DENND2A: variants seen among roughly 807,000 people sequenced by gnomAD.
The protein encoded by DENND2A is DENN domain-containing protein 2A.
DENND2A carries 53 observed loss-of-function variants against 105.3 expected under a neutral mutation model. The observed-to-expected ratio is 0.50, with a 90% CI of 0.40 to 0.63. The LOEUF (loss-of-function observed/expected upper bound fraction) is 0.63, where lower values mean the gene tolerates loss of function less well. DENND2A is among the 30% of genes least tolerant of loss of function. DENND2A has a pLI of 0.00. For synonymous variants in DENND2A, 522 were observed against 508.4 expected, an observed-to-expected ratio of 1.03 and a Z score of -0.36; for missense variants, 1,138 against 1,279.6, an observed-to-expected ratio of 0.89 and a Z score of 1.69.
At chr7:140,545,048 A>G (rs909882943) in intron 13 of DENND2A, among the ~76,000 whole-genome samples, 1 of 152,142 alleles carries the variant, frequency 6.6e-6, no homozygotes, top group Non-Finnish European at 1.5e-5. Flanking sequence ...GGCAAAATCA[A>G]TGGTTTCCGG....
At chr7:140,637,855 G>A (rs1002029109) in intron 1 of DENND2A, among the ~76,000 whole-genome samples, 12 of 151,966 alleles carry the variant, frequency 7.9e-5, no homozygotes, top group Admixed American at 5.9e-4. Context: ...TGAGCACCCC[G>A]GACGCCTTGC....
intron 14 of DENND2A, among the ~76,000 whole-genome samples, chr7:140,528,069 G>T (rs911356967): frequency 2.0e-5 from 3 of 152,030 alleles, no homozygotes; most frequent in Admixed American, 6.6e-5. Flanking sequence ...TTGAACTCCT[G>T]ACTTCAAGTG....
intron 1 of DENND2A, among the ~76,000 whole-genome samples, chr7:140,621,074 G>A (rs989748301): frequency 2.0e-5 from 3 of 152,154 alleles, no homozygotes; most frequent in Admixed American, 1.3e-4. Flanking sequence ...CTGTCGCCAG[G>A]CTGGAGTACA....
intron 3 of DENND2A, among the ~76,000 whole-genome samples, chr7:140,588,766 C>CT (rs34456581): frequency 0.37 from 51,066 of 136,600 alleles, 9,971 homozygotes; most frequent in Middle Eastern, 0.48. Flanking sequence ...TTTTTTGGCA[C>CT]TTTTTTTTTT....
Position 140,562,726 on chromosome 7 carries a change from G to C in DENND2A, c.1780-2909C>G, listed in dbSNP as rs1797681621. On this transcript the variant is annotated intron_variant, in intron 9 of 19. Coordinates refer to ENST00000496613, the MANE Select transcript of DENND2A (RefSeq NM_015689.5). ...TTCCAGTATGATTCCCCTCAGGCTA[G>C]ACCAAATTTAATTGAAGCCATGGGG... is the stretch of plus-strand genomic sequence containing the variant. Among the ~76,000 whole-genome samples, 4 of 152,314 alleles carry C rather than the reference G, an allele frequency of 2.6e-5. No individual in the cohort carries two copies. The South Asian group carries it at 8.3e-4, about 32-fold the overall frequency.
At chr7:140,561,961 C>T (rs1797635825) in intron 9 of DENND2A, among the ~76,000 whole-genome samples, 2 of 151,988 alleles carry the variant, frequency 1.3e-5, no homozygotes, top group African/African-American at 2.4e-5. Context: ...GCAATCTCGG[C>T]TCACTGCAAC....
intron 1 of DENND2A, among the ~76,000 whole-genome samples, chr7:140,606,759 C>G (rs531735114): frequency 6.6e-6 from 1 of 152,232 alleles, no homozygotes; most frequent in Non-Finnish European, 1.5e-5. Flanking sequence ...CTTAAACCCC[C>G]CAAATAGCAA....
At position 140,601,437 on chromosome 7, in the gene DENND2A, A is replaced by G; in HGVS notation, c.961T>C (p.Trp321Arg). 6.2e-7 allele frequency: 1 copy of G among 1,610,862 alleles called. No individual in the cohort carries two copies. The highest frequency in any genetic ancestry group is 1.1e-5 in the South Asian group (1 of 90,326). The change falls in exon 3 of 20, where the codon TGG becomes CGG. Residue 321 changes from tryptophan (W) to arginine (R), a missense_variant. Trp to Arg is a moderately radical substitution (Grantham distance 101). Transcript: ENST00000496613. ...GCACTGGATTTCTGTCTCCCGGTCCACAGTCTTCTGTTCACAGAGGAAGGT... is the reference window on the plus strand; with the variant it reads ...GCACTGGATTTCTGTCTCCCGGTCCGCAGTCTTCTGTTCACAGAGGAAGGT... ...PPPSSVNRRL[W>R]TGRQKSSADH...
At chr7:140,576,894 T>A (rs1056833659) in intron 5 of DENND2A, among the ~76,000 whole-genome samples, 3 of 152,220 alleles carry the variant, frequency 2.0e-5, no homozygotes, top group Non-Finnish European at 2.9e-5. Flanking sequence ...CCTGTCAAAC[T>A]GTTGGGAAAA....
chr7:140,616,380 T>G (rs539476520), intron 1 of DENND2A, among the ~76,000 whole-genome samples: 1 of 151,872 alleles, frequency 6.6e-6, no homozygotes. Context: ...AAAAAAAGAA[T>G]AGGCCAATCC....
chr7:140,625,874 G>A (rs1800505093), intron 1 of DENND2A, among the ~76,000 whole-genome samples: 1 of 152,106 alleles, frequency 6.6e-6, no homozygotes, highest in Admixed American at 6.5e-5. Context: ...TTTTATTGAA[G>A]GTTTCACATA....
Position 140,527,264 on chromosome 7 carries a change from C to T in DENND2A, c.2505+54G>A, listed in dbSNP as rs1324903957. ...CATGATGCCTGCAGAGCCAGCGCCC[C>T]GCTCTGTTCTCCGCACCCTGCAGGG... On this transcript the variant is annotated intron_variant, in intron 15 of 19. Coordinates refer to ENST00000496613, the MANE Select transcript of DENND2A (RefSeq NM_015689.5). The surrounding 1 kb of genome is among the most constrained non-coding windows in gnomAD (Gnocchi z 4.9). 15 of 1,489,620 alleles carry T rather than the reference C, an allele frequency of 1.0e-5. 1 individual carries two copies. Among genetic ancestry groups the T allele is most frequent in the Admixed American group, 8.6e-5 (4 of 46,464 alleles). The allele number at this position is 1,489,620 out of a possible 1,614,324, so 92.3% of individuals were successfully genotyped here.
At chr7:140,586,107 T>C (rs1328374798) in intron 4 of DENND2A, among the ~76,000 whole-genome samples, 1 of 152,110 alleles carries the variant, frequency 6.6e-6, no homozygotes, top group Non-Finnish European at 1.5e-5. Context: ...CTGCTGGGAC[T>C]TGCAGGATAC....
intron 4 of DENND2A, among the ~76,000 whole-genome samples, chr7:140,586,290 G>C (rs1318775915): frequency 6.6e-6 from 1 of 151,984 alleles, no homozygotes; most frequent in Non-Finnish European, 1.5e-5. Context: ...AGGCCGAAGG[G>C]GGTGGATCAC....
rs778789651 is a variant in DENND2A, at chr7:140,602,393, T to C, written c.5A>G (p.Asp2Gly). Reference sequence around the variant, plus strand: ...GATGATCATATCCAAGCTGAACATATCCATTCTTGACTCTAGCGTGAGGTT... The same window carrying C: ...GATGATCATATCCAAGCTGAACATACCCATTCTTGACTCTAGCGTGAGGTT... M[D>G]MFSLDMIISD... is the part of the protein sequence containing the mutation. Residue 2 changes from aspartate (D) to glycine (G), a missense_variant, in exon 3 of 20, where the codon GAT (aspartate) becomes GGT (glycine). Asp to Gly is a moderately conservative substitution (Grantham distance 94). This residue lies in a region of DENND2A where 511 missense variants were observed against 499.9 expected (regional missense o/e 1.02). Transcript: ENST00000496613. 3 of 1,564,650 alleles carry C rather than the reference T, an allele frequency of 1.9e-6. No individual in the cohort carries two copies. Among genetic ancestry groups the C allele is most frequent in the Admixed American group, 1.8e-5 (1 of 56,634 alleles).
chr7:140,538,313 C>T (rs986162324), intron 14 of DENND2A, among the ~76,000 whole-genome samples: 1 of 152,176 alleles, frequency 6.6e-6, no homozygotes, highest in African/African-American at 2.4e-5. Flanking sequence ...CGCACTGAGT[C>T]TGTGACATGT....
chr7:140,552,144 A>C (rs982106598), intron 12 of DENND2A, among the ~76,000 whole-genome samples: 1 of 152,188 alleles, frequency 6.6e-6, no homozygotes, highest in African/African-American at 2.4e-5. Flanking sequence ...ACATGTAAAC[A>C]AATCACATGA....
intron 5 of DENND2A, among the ~76,000 whole-genome samples, chr7:140,578,071 C>A (rs942472922): frequency 6.6e-6 from 1 of 152,076 alleles, no homozygotes; most frequent in African/African-American, 2.4e-5. Flanking sequence ...TCCCAGACAC[C>A]CCTAATTGTA....
chr7:140,567,074 C>T lies in DENND2A; in HGVS notation c.1779+12G>A, dbSNP rs897762477. 6.4e-7 allele frequency: 1 copy of T among 1,565,412 alleles called. No individual in the cohort carries two copies. The highest frequency in any genetic ancestry group is 8.7e-7 in the Non-Finnish European group (1 of 1,153,150). On this transcript the variant is annotated intron_variant, in intron 9 of 19. Coordinates refer to ENST00000496613, the MANE Select transcript of DENND2A (RefSeq NM_015689.5). ...ACCCTGGCAGGCCACAGGGACCTGG[C>T]CACCCTGTTACCTTCAGAGGGAACT...
Sources: gnomAD v4.1 joint callset for allele counts (sites outside exome capture counted in the v4.1 genomes callset) on GRCh38, gnomAD v4.1.1 for gene constraint, gnomAD v4.1.1 regional missense constraint, Gnocchi (gnomAD v3.1) non-coding constraint, MANE v1.5 for transcripts, NCBI Gene and HGNC (gene_info 2026-07-23, HGNC 2026-07-21) for gene names.